Variants in SCD5 observed in about 807,000 individuals in gnomAD.
SCD5 encodes the protein stearoyl-CoA desaturase 5.
SCD5 carries 20 observed loss-of-function variants against 30.4 expected under a neutral mutation model. The observed-to-expected ratio is 0.66, with a 90% CI of 0.46 to 0.96. SCD5 has a LOEUF of 0.96. SCD5 is among the 40% of genes least tolerant of loss of function. The pLI is 0.00. For missense variants in SCD5, 381 were observed against 443.3 expected (o/e 0.86, Z 1.26); for synonymous variants, 173 against 176.4 (o/e 0.98, Z 0.16).
intron 1 of SCD5, among the ~76,000 whole-genome samples, chr4:82,761,423 C>A (rs998608372): frequency 2.6e-5 from 4 of 152,142 alleles, no homozygotes; most frequent in African/African-American, 9.7e-5. Flanking sequence ...ACTGATAGAG[C>A]CAGCTGAGCT....
intron 3 of SCD5, among the ~76,000 whole-genome samples, chr4:82,666,670 G>A (rs549584636): frequency 1.3e-5 from 2 of 152,258 alleles, no homozygotes; most frequent in South Asian, 4.2e-4. Context: ...ATTTAACCTT[G>A]CTTTAACTTC....
intron 1 of SCD5, among the ~76,000 whole-genome samples, chr4:82,752,677 T>C (rs1043878028): frequency 6.6e-6 from 1 of 152,138 alleles, no homozygotes; most frequent in Non-Finnish European, 1.5e-5. Flanking sequence ...GAGAAGCCTA[T>C]GTATTTGTTT....
chr4:82,641,939 G>A (rs1727555128), intron 3 of SCD5, among the ~76,000 whole-genome samples: 1 of 152,090 alleles, frequency 6.6e-6, no homozygotes, highest in African/African-American at 2.4e-5. Context: ...GGCATATGAA[G>A]AGCTCTGTCT....
At chr4:82,727,521 C>T (rs1720530483) in intron 1 of SCD5, among the ~76,000 whole-genome samples, 1 of 152,216 alleles carries the variant, frequency 6.6e-6, no homozygotes, top group Non-Finnish European at 1.5e-5. Flanking sequence ...CCAGAGACAG[C>T]TGCTGCTCCA....
At chr4:82,730,031 AC>A (rs74380764) in intron 1 of SCD5, among the ~76,000 whole-genome samples, 15,217 of 151,888 alleles carry the variant, frequency 0.1, 860 homozygotes, top group East Asian at 0.18. Flanking sequence ...CCAAGGTGTA[AC>A]CATCCCTTTG....
intron 3 of SCD5, among the ~76,000 whole-genome samples, chr4:82,667,284 A>ACACGCACG (rs1553915102): frequency 2.7e-5 from 4 of 150,610 alleles, no homozygotes; most frequent in Admixed American, 6.6e-5. Flanking sequence ...ACACACACAC[A>ACACGCACG]CACGCACGCA....
chr4:82,794,303 G>A (rs976750798), intron 1 of SCD5, among the ~76,000 whole-genome samples: 3 of 152,168 alleles, frequency 2.0e-5, no homozygotes, highest in Non-Finnish European at 4.4e-5. Context: ...TTGCATGCCT[G>A]GTGCTGTCAC....
chr4:82,680,977 C>T, intron 2 of SCD5, 65 bp from the exon 3 acceptor site: 1 of 1,439,500 alleles, frequency 6.9e-7, no homozygotes, highest in African/African-American at 1.4e-5. Context: ...TCCTGGGAAG[C>T]TTCCCAGCCT....
intron 1 of SCD5, 90 bp from the exon 2 acceptor site, chr4:82,705,503 G>A (rs1719951093): frequency 2.7e-6 from 4 of 1,507,134 alleles, no homozygotes; most frequent in Non-Finnish European, 3.6e-6. Flanking sequence ...AGGGACACAC[G>A]TGAAATGGTG....
chr4:82,744,023 TC>T (rs1720935693), intron 1 of SCD5, among the ~76,000 whole-genome samples: 1 of 151,138 alleles, frequency 6.6e-6, no homozygotes, highest in Admixed American at 6.6e-5. Flanking sequence ...ATGGGGTCTC[TC>T]CATGTTGCCC....
At chr4:82,731,757 C>T (rs1720647780) in intron 1 of SCD5, among the ~76,000 whole-genome samples, 1 of 152,200 alleles carries the variant, frequency 6.6e-6, no homozygotes, top group South Asian at 2.1e-4. Context: ...AGCAAGTGAG[C>T]TGCAGAGAAT....
intron 1 of SCD5, among the ~76,000 whole-genome samples, chr4:82,777,284 C>T (rs1042469958): frequency 2.0e-5 from 3 of 152,224 alleles, no homozygotes; most frequent in Non-Finnish European, 2.9e-5. Context: ...TTCCCCTCCT[C>T]GGCCTACTCT....
chr4:82,678,170 A>G (rs1728475778), intron 3 of SCD5, among the ~76,000 whole-genome samples: 1 of 152,106 alleles, frequency 6.6e-6, no homozygotes, highest in South Asian at 2.1e-4. Flanking sequence ...GCAGGAGCTC[A>G]ATGATACATG....
chr4:82,728,259 T>TG (rs1720548910), intron 1 of SCD5, among the ~76,000 whole-genome samples: 1 of 152,208 alleles, frequency 6.6e-6, no homozygotes, highest in African/African-American at 2.4e-5. Flanking sequence ...AAGCTACCCT[T>TG]GGTCATTCCT....
At chr4:82,673,411 C>T (rs892068379) in intron 3 of SCD5, among the ~76,000 whole-genome samples, 6 of 152,124 alleles carry the variant, frequency 3.9e-5, no homozygotes, top group African/African-American at 1.4e-4. Context: ...ATACCATTTA[C>T]ATTAGCACCA....
At chr4:82,695,939 A>G (rs60097168) in intron 2 of SCD5, among the ~76,000 whole-genome samples, 15,716 of 152,136 alleles carry the variant, frequency 0.1, 1,069 homozygotes, top group African/African-American at 0.19. Flanking sequence ...TTAACTCCAC[A>G]TTGTCTTTTT....
chr4:82,797,119 G>A (rs1279329728), intron 1 of SCD5, among the ~76,000 whole-genome samples: 2 of 152,164 alleles, frequency 1.3e-5, no homozygotes, highest in Admixed American at 6.5e-5. Flanking sequence ...GGAAGGCTTG[G>A]AACCATAGTG....
At chr4:82,793,667 C>T (rs1722146672) in intron 1 of SCD5, among the ~76,000 whole-genome samples, 1 of 145,352 alleles carries the variant, frequency 6.9e-6, no homozygotes, top group Admixed American at 6.8e-5. Flanking sequence ...CAACCAAGAG[C>T]CAGGCACTGT....
At position 82,733,794 on chromosome 4, in the gene SCD5, A is replaced by T. The variant is rs144251273; in HGVS notation, c.233-28381T>A. Among the ~76,000 whole-genome samples, 34 of 152,254 alleles carry T rather than the reference A, an allele frequency of 2.2e-4. No individual in the cohort carries two copies. The East Asian group carries it at 4.1e-3, about 18-fold the overall frequency. ...AATCTCCCCACTCTGGGTCTCGGGA[A>T]CATGGTTGATGAAAGCAGATGGTGG... On this transcript the variant is annotated intron_variant, in intron 1 of 4. Transcript: ENST00000319540.
Sources: allele counts gnomAD v4.1 joint callset (sites outside exome capture counted in the v4.1 genomes callset), GRCh38; gene constraint gnomAD v4.1.1; transcripts MANE v1.5; gene names NCBI Gene and HGNC (gene_info 2026-07-23, HGNC 2026-07-21).